Variants in CHRM3 observed in about 807,000 individuals in gnomAD.
CHRM3 encodes the protein cholinergic receptor muscarinic 3.
A neutral mutation model predicts 41.8 loss-of-function variants in CHRM3; 11 were observed. The observed-to-expected ratio is 0.26, with a 90% CI of 0.17 to 0.44. The LOEUF (loss-of-function observed/expected upper bound fraction) is 0.44. Ranked by LOEUF, CHRM3 falls within the 20% of genes least tolerant of loss-of-function variation. CHRM3 has a pLI of 1.00. For synonymous variants in CHRM3, 297 were observed against 301.4 expected (o/e 0.99, Z 0.15); for missense variants, 571 against 745.4 (o/e 0.77, Z 2.72).
chr1:239,406,780 T>C (rs994794211), intron 1 of CHRM3, among the ~76,000 whole-genome samples: 1 of 152,292 alleles, frequency 6.6e-6, no homozygotes, highest in Middle Eastern at 3.4e-3. Context: ...TTGGCCAAGA[T>C]CATTATAAGG....
At chr1:239,606,202 T>C (rs1666223834) in intron 3 of CHRM3, 2 of 152,116 alleles carry the variant, frequency 1.3e-5, no homozygotes, top group South Asian at 4.2e-4. Context: ...TGTTTAATTA[T>C]GCTAATATTA....
At chr1:239,799,523 T>C (rs532077261) in intron 5 of CHRM3, among the ~76,000 whole-genome samples, 30 of 152,278 alleles carry the variant, frequency 2.0e-4, no homozygotes, top group Non-Finnish European at 3.2e-4. Context: ...ACCTACTGGT[T>C]GTAGCCTCAT....
chr1:239,508,137 C>G lies in CHRM3; in HGVS notation c.-422+15330C>G, dbSNP rs139392475. Among the ~76,000 whole-genome samples, 357 of 152,094 alleles carry G rather than the reference C, an allele frequency of 2.3e-3. 1 individual carries two copies. The highest frequency in any genetic ancestry group is 8.4e-3 in the African/African-American group (347 of 41,504). On this transcript the variant is annotated intron_variant, in intron 2 of 6. Coordinates refer to ENST00000676153, the MANE Select transcript of CHRM3 (RefSeq NM_001375978.1). ...CTAGTAATTATATTCAAATTAATTT[C>G]CCAAAGAAAACAATTAAATTGGCTC...
chr1:239,802,755 G>A (rs925477548), intron 5 of CHRM3, among the ~76,000 whole-genome samples: 4 of 151,946 alleles, frequency 2.6e-5, no homozygotes, highest in Non-Finnish European at 4.4e-5. Context: ...GCACCACCAC[G>A]CCCAGCTAAT....
At chr1:239,698,551 C>T (rs147510527) in intron 5 of CHRM3, among the ~76,000 whole-genome samples, 12 of 152,162 alleles carry the variant, frequency 7.9e-5, no homozygotes, top group East Asian at 1.9e-4. Context: ...TACTTAACAC[C>T]GTAAGACTAT....
At chr1:239,770,819 G>T (rs1237387724) in intron 5 of CHRM3, among the ~76,000 whole-genome samples, 2 of 152,044 alleles carry the variant, frequency 1.3e-5, no homozygotes, top group African/African-American at 4.8e-5. Context: ...TAAGATACAG[G>T]CTCACACCTG....
chr1:239,660,957 T>A (rs1673142571), intron 4 of CHRM3, among the ~76,000 whole-genome samples: 1 of 152,220 alleles, frequency 6.6e-6, no homozygotes, highest in Non-Finnish European at 1.5e-5. Flanking sequence ...TATGTGTGCA[T>A]TATTTCATTT....
intron 4 of CHRM3, among the ~76,000 whole-genome samples, chr1:239,638,790 G>C (rs892669300): frequency 6.6e-6 from 1 of 152,068 alleles, no homozygotes; most frequent in Non-Finnish European, 1.5e-5. Flanking sequence ...TGTCAATTTT[G>C]GCTTTTGTTG....
At chr1:239,418,221 A>G (rs1661660256) in intron 1 of CHRM3, among the ~76,000 whole-genome samples, 1 of 152,200 alleles carries the variant, frequency 6.6e-6, no homozygotes, top group Non-Finnish European at 1.5e-5. Context: ...CTGTCTTAAA[A>G]ATACCAGAAA....
chr1:239,453,673 G>T (rs1189371190), intron 1 of CHRM3, among the ~76,000 whole-genome samples: 1 of 152,172 alleles, frequency 6.6e-6, no homozygotes, highest in Non-Finnish European at 1.5e-5. Context: ...CATTAATTTT[G>T]TATTCTATTA....
At chr1:239,752,810 C>A (rs759890992) in intron 5 of CHRM3, among the ~76,000 whole-genome samples, 23 of 152,108 alleles carry the variant, frequency 1.5e-4, no homozygotes, top group Middle Eastern at 3.4e-3. Flanking sequence ...TTATTTTTGA[C>A]CTTTTTTTCA....
At chr1:239,507,495 T>C (rs1431159663) in intron 2 of CHRM3, among the ~76,000 whole-genome samples, 1 of 152,342 alleles carries the variant, frequency 6.6e-6, no homozygotes, top group African/African-American at 2.4e-5. Context: ...AATAAACTTC[T>C]TTCTTTTGTA....
chr1:239,410,451 T>G (rs536481052), intron 1 of CHRM3, among the ~76,000 whole-genome samples: 53 of 152,264 alleles, frequency 3.5e-4, no homozygotes, highest in East Asian at 5.8e-4. Flanking sequence ...TCCAAAATGT[T>G]TTTCACCCTC....
chr1:239,671,696 G>T (rs1353072920), intron 4 of CHRM3, among the ~76,000 whole-genome samples: 1 of 151,932 alleles, frequency 6.6e-6, no homozygotes, highest in African/African-American at 2.4e-5. Context: ...AGGAGGTGAG[G>T]TGGGGTGTAG....
chr1:239,494,904 T>A (rs1339822523), intron 2 of CHRM3, among the ~76,000 whole-genome samples: 2 of 152,168 alleles, frequency 1.3e-5, no homozygotes, highest in African/African-American at 4.8e-5. Flanking sequence ...TGCATAGTAT[T>A]CCATGGTGTA....
At chr1:239,882,575 G>T (rs1677734632) in intron 6 of CHRM3, among the ~76,000 whole-genome samples, 1 of 152,166 alleles carries the variant, frequency 6.6e-6, no homozygotes, top group African/African-American at 2.4e-5. Flanking sequence ...AGTTGCCTAA[G>T]GTTTTTGACA....
chr1:239,552,328 A>C (rs1206369975), intron 3 of CHRM3, among the ~76,000 whole-genome samples: 1 of 148,018 alleles, frequency 6.8e-6, no homozygotes, highest in Non-Finnish European at 1.5e-5. Flanking sequence ...TCATATATAT[A>C]GATGATATGT....
At chr1:239,695,437 G>A (rs986817740) in intron 5 of CHRM3, among the ~76,000 whole-genome samples, 4 of 152,046 alleles carry the variant, frequency 2.6e-5, no homozygotes, top group African/African-American at 9.7e-5. Context: ...TTAGCTTACT[G>A]CTTAGATATG....
intron 1 of CHRM3, among the ~76,000 whole-genome samples, chr1:239,489,858 G>A (rs572040682): frequency 6.6e-6 from 1 of 152,234 alleles, no homozygotes; most frequent in South Asian, 2.1e-4. Context: ...TTTGTTTCTG[G>A]ATAGGCATAT....
Sources: gnomAD v4.1 joint callset for allele counts (sites outside exome capture counted in the v4.1 genomes callset) on GRCh38, gnomAD v4.1.1 for gene constraint, MANE v1.5 for transcripts, NCBI Gene and HGNC (gene_info 2026-07-23, HGNC 2026-07-21) for gene names.